Variants in RPA3 observed in about 807,000 individuals in gnomAD.
RPA3 encodes the protein replication protein A3.
Under a neutral mutation model 13.7 loss-of-function variants are expected in RPA3, and 24 were observed. The ratio of observed to expected loss-of-function variants is 1.75; its 90% CI spans 1.27 to 2.46. The LOEUF (loss-of-function observed/expected upper bound fraction) is 2.46, where lower values mean the gene tolerates loss of function less well. Ranked by LOEUF, RPA3 falls within the 30% of genes most tolerant of loss-of-function variation. RPA3 has a pLI of 0.00. For missense variants in RPA3, 183 were observed against 151.0 expected (o/e 1.21, Z -1.11); for synonymous variants, 59 against 51.2 (o/e 1.15, Z -0.65).
chr7:7,708,373 G>T (rs1318185129), intron 2 of RPA3, among the ~76,000 whole-genome samples: 1 of 152,252 alleles, frequency 6.6e-6, no homozygotes, highest in South Asian at 2.1e-4. Flanking sequence ...CTTTAGTTTT[G>T]TAGAGAGATA....
chr7:7,637,937 A>G lies in RPA3; in HGVS notation c.210T>C (p.Val70=). Residue 70 remains valine (V), a synonymous_variant, in exon 7 of 8, where the codon GTT becomes GTC. Coordinates refer to ENST00000223129, the MANE Select transcript of RPA3 (RefSeq NM_002947.5). ...TGGTGGCCTTGGCGGTTACTCTTCCAACCACTTCCACAATTCCAGAGATTT... is the reference window on the plus strand; with the variant it reads ...TGGTGGCCTTGGCGGTTACTCTTCCGACCACTTCCACAATTCCAGAGATTT... ...DEEISGIVEV[V]GRVTAKATIL... 1 of 1,613,732 alleles carries G rather than the reference A, an allele frequency of 6.2e-7. No homozygotes were observed. Among genetic ancestry groups the G allele is most frequent in the Non-Finnish European group, 8.5e-7 (1 of 1,179,772 alleles).
At chr7:7,666,745 A>G (rs1370726328) in intron 4 of RPA3, among the ~76,000 whole-genome samples, 1 of 152,040 alleles carries the variant, frequency 6.6e-6, no homozygotes, top group Non-Finnish European at 1.5e-5. Context: ...TACATTATTT[A>G]TCAAATATGT....
chr7:7,663,266 A>AAT (rs1785521363), intron 4 of RPA3, among the ~76,000 whole-genome samples: 1 of 142,654 alleles, frequency 7.0e-6, no homozygotes, highest in South Asian at 2.3e-4. Context: ...CAAACACCTA[A>AAT]ATCTAAGATA....
intron 2 of RPA3, among the ~76,000 whole-genome samples, chr7:7,705,219 AG>A (rs1418168984): frequency 3.3e-5 from 5 of 152,362 alleles, no homozygotes; most frequent in African/African-American, 1.2e-4. Context: ...TAAACTTCCA[AG>A]ATGATTGTAA....
intron 4 of RPA3, among the ~76,000 whole-genome samples, chr7:7,654,893 ACT>A (rs547930374): frequency 2.8e-4 from 30 of 106,988 alleles, no homozygotes; most frequent in African/African-American, 1.1e-3. Flanking sequence ...ACAGAGTAAG[ACT>A]CTGTCTCAAA....
chr7:7,683,835 C>G (rs565635230), intron 4 of RPA3, among the ~76,000 whole-genome samples: 34 of 152,252 alleles, frequency 2.2e-4, no homozygotes, highest in South Asian at 1.7e-3. Flanking sequence ...GTTGGCCAGG[C>G]CGGTCTCAAA....
At chr7:7,660,838 A>G (rs1329731791) in intron 4 of RPA3, among the ~76,000 whole-genome samples, 3 of 152,118 alleles carry the variant, frequency 2.0e-5, no homozygotes, top group Non-Finnish European at 4.4e-5. Context: ...CTGAATTTGA[A>G]TGTTGGCCTG....
intron 5 of RPA3, among the ~76,000 whole-genome samples, chr7:7,639,748 T>C (rs1784922820): frequency 6.6e-6 from 1 of 152,174 alleles, no homozygotes; most frequent in Non-Finnish European, 1.5e-5. Context: ...AAATAAGTCT[T>C]TATATAATAG....
chr7:7,701,630 A>G (rs1215748062), intron 2 of RPA3, among the ~76,000 whole-genome samples: 2 of 152,128 alleles, frequency 1.3e-5, no homozygotes, highest in South Asian at 2.1e-4. Flanking sequence ...GGTCTTGCTT[A>G]TAAGGTCCTA....
chr7:7,694,848 GT>G (rs1780269404), intron 2 of RPA3, among the ~76,000 whole-genome samples: 1 of 152,140 alleles, frequency 6.6e-6, no homozygotes, highest in Admixed American at 6.5e-5. Flanking sequence ...CAATAAACAT[GT>G]GAGTACAGCT....
chr7:7,641,460 G>C (rs961342017), intron 4 of RPA3: 1 of 152,162 alleles, frequency 6.6e-6, no homozygotes, highest in African/African-American at 2.4e-5. Context: ...GATTTGCAAG[G>C]TCCCAGTTGA....
intron 4 of RPA3, among the ~76,000 whole-genome samples, chr7:7,650,734 A>G (rs1477100374): frequency 6.6e-6 from 1 of 152,232 alleles, no homozygotes; most frequent in Non-Finnish European, 1.5e-5. Flanking sequence ...CTGCATCCTG[A>G]ACCCAGAATG....
At chr7:7,700,875 C>T (rs1250054502) in intron 2 of RPA3, among the ~76,000 whole-genome samples, 5 of 151,470 alleles carry the variant, frequency 3.3e-5, no homozygotes, top group African/African-American at 4.9e-5. Flanking sequence ...GTAACAAGAG[C>T]GAGACTCCAT....
At position 7,640,588 on chromosome 7, in the gene RPA3, G is replaced by A; in HGVS notation, c.-170C>T. On this transcript the variant is annotated 5_prime_UTR_variant, in exon 5 of 8. Coordinates refer to ENST00000223129, the MANE Select transcript of RPA3 (RefSeq NM_002947.5). ...AATCGCAATCGCGCTGTCTCTGAAA[G>A]GGGTGGAGAAGGGGCTGGATGAGTC... 1.6e-6 allele frequency: 1 copy of A among 642,446 alleles called. No homozygotes were observed. The highest frequency in any genetic ancestry group is 2.7e-6 in the Non-Finnish European group (1 of 363,834). 39.8% of individuals were successfully genotyped at this position (642,446 alleles called of 1,614,324 possible). A position where few individuals can be genotyped will look rare whatever the true frequency, so the allele number is the denominator to read the frequency against.
At chr7:7,714,853 C>CTTTT (rs1029148023) in intron 2 of RPA3, among the ~76,000 whole-genome samples, 2 of 111,166 alleles carry the variant, frequency 1.8e-5, no homozygotes, top group African/African-American at 3.3e-5. Flanking sequence ...AAAAATTTTT[C>CTTTT]TTTTTTTTTT....
chr7:7,677,125 C>T (rs558983726), intron 4 of RPA3, among the ~76,000 whole-genome samples: 11 of 152,006 alleles, frequency 7.2e-5, no homozygotes, highest in African/African-American at 2.4e-4. Context: ...ATTATGGGTC[C>T]GTAATAGTTG....
chr7:7,656,584 GTGTT>G (rs1221967334), intron 4 of RPA3, among the ~76,000 whole-genome samples: 1 of 151,826 alleles, frequency 6.6e-6, no homozygotes, highest in African/African-American at 2.4e-5. Flanking sequence ...TTCTGTTCTT[GTGTT>G]TGTTTGCTGA....
At chr7:7,716,645 A>T (rs891831072) in intron 1 of RPA3, among the ~76,000 whole-genome samples, 1 of 152,198 alleles carries the variant, frequency 6.6e-6, no homozygotes, top group Non-Finnish European at 1.5e-5. Flanking sequence ...CTAGTAAAAG[A>T]TTAGGGTGGA....
intron 2 of RPA3, among the ~76,000 whole-genome samples, chr7:7,694,866 T>G (rs1780269721): frequency 6.6e-6 from 1 of 152,238 alleles, no homozygotes; most frequent in South Asian, 2.1e-4. Context: ...AGCTATATCT[T>G]TGTTATCCTG....
Sources: gnomAD v4.1 joint callset for allele counts (sites outside exome capture counted in the v4.1 genomes callset) on GRCh38, gnomAD v4.1.1 for gene constraint, MANE v1.5 for transcripts, NCBI Gene and HGNC (gene_info 2026-07-23, HGNC 2026-07-21) for gene names.